The following PLA2R1 variants were observed in gnomAD, a reference collection of about 807,000 sequenced individuals.
PLA2R1 encodes phospholipase A2 receptor 1.
A neutral mutation model predicts 195.9 loss-of-function variants in PLA2R1; 158 were observed. That is an observed-to-expected ratio of 0.81 (90% CI 0.71 to 0.92). The LOEUF is 0.92. PLA2R1 is among the 40% of genes least tolerant of loss of function. PLA2R1 has a pLI of 0.00. For missense variants in PLA2R1, 1,626 were observed against 1,764.6 expected (o/e 0.92, Z 1.41); for synonymous variants, 586 against 598.2 (o/e 0.98, Z 0.30).
intron 23 of PLA2R1, 117 bp from the exon 24 acceptor site, chr2:159,951,695 G>T: frequency 3.0e-6 from 2 of 657,336 alleles, no homozygotes; most frequent in South Asian, 3.7e-5. Context: ...CTTTCTTCTG[G>T]AATTGACTGT....
chr2:159,959,393 A>G (rs1312336711), intron 20 of PLA2R1, among the ~76,000 whole-genome samples: 1 of 152,170 alleles, frequency 6.6e-6, no homozygotes, highest in Non-Finnish European at 1.5e-5. Flanking sequence ...AATTACCACG[A>G]CTTCATTGTT....
At chr2:160,014,363 C>T (rs1012332389) in intron 9 of PLA2R1, among the ~76,000 whole-genome samples, 7 of 151,034 alleles carry the variant, frequency 4.6e-5, no homozygotes, top group African/African-American at 9.7e-5. Context: ...CTGGGAACAA[C>T]GAAGGGTGGC....
chr2:160,059,750 T>C (rs550358489), intron 1 of PLA2R1, among the ~76,000 whole-genome samples: 3 of 152,294 alleles, frequency 2.0e-5, no homozygotes, highest in Admixed American at 2.0e-4. Flanking sequence ...CTCAGAATCA[T>C]GGTGGGAGGC....
intron 20 of PLA2R1, among the ~76,000 whole-genome samples, chr2:159,967,149 A>G (rs960028748): frequency 4.6e-5 from 7 of 152,138 alleles, no homozygotes; most frequent in Admixed American, 2.0e-4. Flanking sequence ...CTAGACACAC[A>G]GGCATGCAGG....
At chr2:159,953,939 T>C (rs1314545959) in intron 23 of PLA2R1, among the ~76,000 whole-genome samples, 1 of 152,170 alleles carries the variant, frequency 6.6e-6, no homozygotes, top group Admixed American at 6.5e-5. Context: ...GTTCAAGCGA[T>C]TCTCATGCCT....
intron 11 of PLA2R1, among the ~76,000 whole-genome samples, chr2:160,004,796 G>A (rs6714630): frequency 1.0e-3 from 158 of 152,246 alleles, no homozygotes; most frequent in African/African-American, 3.5e-3. Flanking sequence ...AGGCTGTGGC[G>A]GAAGACATCA....
intron 11 of PLA2R1, among the ~76,000 whole-genome samples, chr2:160,004,003 G>A (rs2105387359): frequency 6.6e-6 from 1 of 152,194 alleles, no homozygotes; most frequent in East Asian, 1.9e-4. Context: ...CATTTAAAAA[G>A]TACATATGCA....
Position 159,981,417 on chromosome 2 carries a change from T to G in PLA2R1, c.2184-1503A>C, listed in dbSNP as rs189939471. 6.6e-5 allele frequency among the ~76,000 whole-genome samples: 10 copies of G among 152,280 alleles called. No homozygotes were observed. In the East Asian group the frequency reaches 1.9e-3, roughly 29 times the overall value. ...AAACATACACAGTTATTGATAATTT[T>G]TTTTTTGAGACAGGGTCACACTGTC... On this transcript the variant is annotated intron_variant, in intron 13 of 29. Transcript: ENST00000283243.
chr2:159,977,144 A>G, intron 15 of PLA2R1, 140 bp downstream of exon 15: 2 of 644,568 alleles, frequency 3.1e-6, no homozygotes, highest in Admixed American at 3.1e-5. Flanking sequence ...CATTTCCTAT[A>G]GAAACATTTT....
chr2:159,939,300 G>A lies in PLA2R1; in HGVS notation c.*2478C>T, dbSNP rs999829323. 5.3e-5 allele frequency: 8 copies of A among 151,994 alleles called. No individual in the cohort carries two copies. Among genetic ancestry groups the A allele is most frequent in the African/African-American group, 1.9e-4 (8 of 41,332 alleles). 9.4% of individuals were successfully genotyped at this position (151,994 alleles called of 1,614,324 possible). A position where few individuals can be genotyped will look rare whatever the true frequency, so the allele number is the denominator to read the frequency against. On this transcript the variant is annotated 3_prime_UTR_variant, in exon 30 of 30. Transcript: ENST00000283243. ...GGGCGGGTGGATCACGAGATCAGGA[G>A]ATCGAGACCATCCTGGACAACATGG... is the stretch of plus-strand genomic sequence containing the variant.
At chr2:160,029,029 T>C (rs1693693368) in intron 4 of PLA2R1, 66 bp from the exon 5 acceptor site, 1 of 856,314 alleles carries the variant, frequency 1.2e-6, no homozygotes, top group East Asian at 2.6e-5. Context: ...TGTTCTCCTA[T>C]TCCTGGATCA....
At chr2:160,045,685 G>A (rs1354852021) in intron 1 of PLA2R1, among the ~76,000 whole-genome samples, 2 of 152,272 alleles carry the variant, frequency 1.3e-5, no homozygotes, top group East Asian at 3.9e-4. Flanking sequence ...GATCTGATAC[G>A]GGATTCAATA....
chr2:160,040,281 C>G (rs930908721), intron 3 of PLA2R1, among the ~76,000 whole-genome samples: 9 of 151,806 alleles, frequency 5.9e-5, no homozygotes, highest in Admixed American at 2.0e-4. Flanking sequence ...CCCCCACTAC[C>G]CAGGCTTCCC....
chr2:160,051,056 G>A (rs1041274028), intron 1 of PLA2R1, among the ~76,000 whole-genome samples: 6 of 152,126 alleles, frequency 3.9e-5, no homozygotes, highest in Admixed American at 2.6e-4. Context: ...TGAAGTTTCC[G>A]CATTTTTAAC....
intron 10 of PLA2R1, among the ~76,000 whole-genome samples, chr2:160,009,996 A>G (rs1036793013): frequency 6.6e-6 from 1 of 151,728 alleles, no homozygotes; most frequent in Non-Finnish European, 1.5e-5. Context: ...TGTAGTCCCA[A>G]CTACTTGGGG....
At position 160,016,598 on chromosome 2, in the gene PLA2R1, T is replaced by A. The variant is rs373572847; in HGVS notation, c.1551+16A>T. 33 of 1,345,260 alleles carry A rather than the reference T, an allele frequency of 2.5e-5. No homozygotes were observed. The highest frequency in any genetic ancestry group is 8.5e-6 in the Non-Finnish European group (8 of 940,606). The allele number at this position is 1,345,260 out of a possible 1,614,324, so 83.3% of individuals were successfully genotyped here. On this transcript the variant is annotated intron_variant, in intron 9 of 29. Coordinates refer to ENST00000283243, the MANE Select transcript of PLA2R1 (RefSeq NM_007366.5). Reference sequence around the variant, plus strand: ...TGAAGTCCCTGTACCTAAATTGCAATGTTAACAGCACTTACCTCTTGACAT... The same window carrying A: ...TGAAGTCCCTGTACCTAAATTGCAAAGTTAACAGCACTTACCTCTTGACAT...
chr2:160,044,112 G>C (rs1694716748), intron 2 of PLA2R1, among the ~76,000 whole-genome samples: 1 of 151,164 alleles, frequency 6.6e-6, no homozygotes. Flanking sequence ...CTGAGGGACA[G>C]GTTTGAGATT....
intron 20 of PLA2R1, 73 bp downstream of exon 20, chr2:159,967,466 C>A: frequency 3.0e-6 from 4 of 1,349,818 alleles, no homozygotes; most frequent in South Asian, 1.4e-5. Context: ...AAGCCACTTT[C>A]ACTTTTTGAA....
Position 160,016,473 on chromosome 2 carries a change from G to GA in PLA2R1, c.1551+140_1551+141insT, listed in dbSNP as rs748479172. 23 of 575,970 alleles carry GA rather than the reference G, an allele frequency of 4.0e-5. 1 individual carries two copies. The highest frequency in any genetic ancestry group is 3.4e-4 in the East Asian group (12 of 34,970). 35.7% of individuals were successfully genotyped at this position (575,970 alleles called of 1,614,324 possible). On this transcript the variant is annotated intron_variant, in intron 9 of 29. Coordinates refer to ENST00000283243, the MANE Select transcript of PLA2R1 (RefSeq NM_007366.5). ...GAAAAAAAAGAGGAAAGGAAAGAAGGGGGGGGTGCGAGGAGAGAGAGAGAG... is the reference window on the plus strand; with the variant it reads ...GAAAAAAAAGAGGAAAGGAAAGAAGGAGGGGGGTGCGAGGAGAGAGAGAGAG...
Sources: gnomAD v4.1 joint callset for allele counts (sites outside exome capture counted in the v4.1 genomes callset) on GRCh38, gnomAD v4.1.1 for gene constraint, MANE v1.5 for transcripts, NCBI Gene and HGNC (gene_info 2026-07-23, HGNC 2026-07-21) for gene names.